Variants in HCN1 observed in about 807,000 individuals in gnomAD.
HCN1 encodes the protein potassium/sodium hyperpolarization-activated cyclic nucleotide-gated channel 1.
A neutral mutation model predicts 78.9 loss-of-function variants in HCN1; 13 were observed. That is an observed-to-expected ratio of 0.16 (90% CI 0.11 to 0.26). HCN1 has a LOEUF of 0.26. Among genes scored for constraint, HCN1 ranks in the 10% least tolerant of loss-of-function variants. The pLI is 1.00. For missense variants in HCN1, 810 were observed against 1,154.3 expected, an observed-to-expected ratio of 0.70 and a Z score of 4.32; for synonymous variants, 552 against 455.5, an observed-to-expected ratio of 1.21 and a Z score of -2.70.
intron 5 of HCN1, among the ~76,000 whole-genome samples, chr5:45,329,446 T>TGTGTAATTCCATTTATAAG (rs1746303071): frequency 6.6e-6 from 1 of 151,038 alleles, no homozygotes; most frequent in Non-Finnish European, 1.5e-5. Context: ...GGGATAATAT[T>TGTGTAATTCCATTTATAAG]AGGAAAAATC....
At chr5:45,414,504 A>G (rs1740082992) in intron 3 of HCN1, among the ~76,000 whole-genome samples, 1 of 151,978 alleles carries the variant, frequency 6.6e-6, no homozygotes, top group Non-Finnish European at 1.5e-5. Context: ...CTGATAAAAC[A>G]TGTTTTCTCT....
At chr5:45,352,657 T>C (rs1373024602) in intron 5 of HCN1, among the ~76,000 whole-genome samples, 1 of 151,370 alleles carries the variant, frequency 6.6e-6, no homozygotes, top group African/African-American at 2.4e-5. Flanking sequence ...AGCAAAGAGG[T>C]GGTTATTAAT....
At chr5:45,419,937 C>G (rs965589615) in intron 3 of HCN1, among the ~76,000 whole-genome samples, 1 of 152,160 alleles carries the variant, frequency 6.6e-6, no homozygotes, top group Non-Finnish European at 1.5e-5. Context: ...AGAGTGACAT[C>G]TGTTCTCTGT....
intron 1 of HCN1, 132 bp downstream of exon 1, chr5:45,695,537 G>C (rs960993967): frequency 3.4e-6 from 3 of 871,176 alleles, no homozygotes; most frequent in Non-Finnish European, 5.4e-6. Context: ...TGCTTAGCCC[G>C]AGCCGACGCC....
At chr5:45,671,956 GAAAAGTATTA>G (rs1433257490) in intron 1 of HCN1, among the ~76,000 whole-genome samples, 1 of 151,542 alleles carries the variant, frequency 6.6e-6, no homozygotes, top group Non-Finnish European at 1.5e-5. Flanking sequence ...TTTACGCCAA[GAAAAGTATTA>G]AATCCTTTAG....
At chr5:45,314,069 C>A (rs928762589) in intron 5 of HCN1, among the ~76,000 whole-genome samples, 2 of 151,998 alleles carry the variant, frequency 1.3e-5, no homozygotes, top group African/African-American at 4.8e-5. Context: ...GTCAGATTCA[C>A]CAAAGTTGAA....
intron 3 of HCN1, among the ~76,000 whole-genome samples, chr5:45,400,197 A>C (rs1739764089): frequency 1.3e-5 from 2 of 152,088 alleles, no homozygotes; most frequent in South Asian, 4.1e-4. Flanking sequence ...AGTGGAGACT[A>C]CACTTTATTT....
chr5:45,350,358 A>G (rs1447895159), intron 5 of HCN1, among the ~76,000 whole-genome samples: 1 of 152,198 alleles, frequency 6.6e-6, no homozygotes, highest in Non-Finnish European at 1.5e-5. Flanking sequence ...TAAATTAGGT[A>G]TTGATGGGGC....
intron 5 of HCN1, among the ~76,000 whole-genome samples, chr5:45,305,390 A>G (rs1745707666): frequency 6.6e-6 from 1 of 152,184 alleles, no homozygotes; most frequent in Non-Finnish European, 1.5e-5. Flanking sequence ...AATGTCTGTA[A>G]TAGTGGAGCT....
chr5:45,543,784 A>G (rs1168532578), intron 2 of HCN1, among the ~76,000 whole-genome samples: 1 of 152,112 alleles, frequency 6.6e-6, no homozygotes, highest in East Asian at 1.9e-4. Flanking sequence ...CTATGCTCAT[A>G]CTGCTTATTT....
intron 6 of HCN1, among the ~76,000 whole-genome samples, chr5:45,286,742 T>G (rs1273541892): frequency 6.6e-6 from 1 of 152,038 alleles, no homozygotes; most frequent in African/African-American, 2.4e-5. Flanking sequence ...AAGATGTTGT[T>G]GTTGATGTGT....
chr5:45,297,670 G>T (rs2111895171), intron 6 of HCN1, among the ~76,000 whole-genome samples: 1 of 152,142 alleles, frequency 6.6e-6, no homozygotes, highest in South Asian at 2.1e-4. Flanking sequence ...GAATAAAAAT[G>T]CATAGAATAA....
intron 2 of HCN1, among the ~76,000 whole-genome samples, chr5:45,483,098 A>C (rs1741688802): frequency 6.6e-6 from 1 of 152,080 alleles, no homozygotes; most frequent in South Asian, 2.1e-4. Flanking sequence ...TTGGTACAAT[A>C]ATTTATTTTC....
At chr5:45,454,807 G>T (rs998536829) in intron 3 of HCN1, among the ~76,000 whole-genome samples, 3 of 151,884 alleles carry the variant, frequency 2.0e-5, no homozygotes, top group South Asian at 2.1e-4. Flanking sequence ...ATAATTGTCC[G>T]GGTTTCTATA....
intron 1 of HCN1, among the ~76,000 whole-genome samples, chr5:45,692,679 C>T (rs1301241030): frequency 6.6e-6 from 1 of 152,028 alleles, no homozygotes; most frequent in Non-Finnish European, 1.5e-5. Flanking sequence ...CTGCCAGACA[C>T]AGCAATAGCA....
At chr5:45,277,715 G>T (rs1745092028) in intron 6 of HCN1, among the ~76,000 whole-genome samples, 1 of 152,052 alleles carries the variant, frequency 6.6e-6, no homozygotes, top group South Asian at 2.1e-4. Flanking sequence ...GTTCAACCAG[G>T]ATTGATGCTT....
At chr5:45,473,496 A>G (rs1317917886) in intron 2 of HCN1, among the ~76,000 whole-genome samples, 1 of 151,476 alleles carries the variant, frequency 6.6e-6, no homozygotes, top group African/African-American at 2.4e-5. Context: ...TTCTTCTTAC[A>G]CTGGTGCATG....
intron 1 of HCN1, among the ~76,000 whole-genome samples, chr5:45,649,007 TC>T (rs1429762009): frequency 1.3e-5 from 2 of 151,874 alleles, no homozygotes; most frequent in Admixed American, 1.3e-4. Context: ...TGCCTTTCCA[TC>T]CCCCTCTTTT....
rs534803005 is a variant in HCN1 at position 45,288,545 on chromosome 5, T to A, written c.1618+15054A>T. ...TGGGTGTTACACATGTTAGGTCCTA[T>A]CTACGGAAAGAAAACTAGAACCTGG... is the stretch of plus-strand genomic sequence containing the variant. On this transcript the variant is annotated intron_variant, in intron 6 of 7. Coordinates refer to ENST00000303230, the MANE Select transcript of HCN1 (RefSeq NM_021072.4). Among the ~76,000 whole-genome samples the A allele has an allele frequency of 5.9e-5, 9 of 152,154 alleles. 1 individual carries two copies. The highest frequency in any genetic ancestry group is 1.9e-4 in the East Asian group (1 of 5,158).
Sources: allele counts gnomAD v4.1 joint callset (sites outside exome capture counted in the v4.1 genomes callset), GRCh38; gene constraint gnomAD v4.1.1; transcripts MANE v1.5; gene names NCBI Gene and HGNC (gene_info 2026-07-23, HGNC 2026-07-21).